NUDT16: variants seen among roughly 807,000 people sequenced by gnomAD.
NUDT16 encodes the protein nudix hydrolase 16, also known as U8 snoRNA-decapping enzyme.
In NUDT16, 12 loss-of-function variants were observed where a neutral mutation model predicts 11.7. The ratio of observed to expected loss-of-function variants is 1.03; its 90% CI spans 0.66 to 1.67. The LOEUF (loss-of-function observed/expected upper bound fraction) is 1.67. Ranked by LOEUF, NUDT16 falls within the 40% of genes most tolerant of loss-of-function variation. The probability of loss-of-function intolerance (pLI) is 0.00; values close to 1 mark genes in which losing one functional copy is unlikely to be tolerated. For synonymous variants in NUDT16, 129 were observed against 122.6 expected, an observed-to-expected ratio of 1.05 and a Z score of -0.35; for missense variants, 303 against 268.9, an observed-to-expected ratio of 1.13 and a Z score of -0.89.
upstream of NUDT16, chr3:131,381,723 GC>G: frequency 6.9e-7 from 1 of 1,458,292 alleles, no homozygotes; most frequent in South Asian, 1.2e-5. Flanking sequence ...TTGCAGCACC[GC>G]CCAGGCTCGG....
In NUDT16 at chr3:131,382,880, A is replaced by G. The variant is rs77943871; in HGVS notation, c.409-282A>G. 2.4e-5 allele frequency: 15 copies of G among 625,026 alleles called. No homozygotes were observed. The East Asian group carries it at 4.4e-4, about 18-fold the overall frequency. 38.7% of individuals were successfully genotyped at this position (625,026 alleles called of 1,614,324 possible). Reference sequence around the variant, plus strand: ...CTGATGCAAATAATCTGAGGACCACATTTTGACAACCACTGGTGAAAGGGT... The same window carrying G: ...CTGATGCAAATAATCTGAGGACCACGTTTTGACAACCACTGGTGAAAGGGT... On this transcript the variant is annotated intron_variant, in intron 2 of 2. Transcript: ENST00000521288.
Position 131,381,814 on chromosome 3 carries a change from G to C in NUDT16, c.10G>C (p.Ala4Pro). 4.5e-6 allele frequency: 7 copies of C among 1,561,972 alleles called. No homozygotes were observed. The highest frequency in any genetic ancestry group is 5.2e-6 in the Non-Finnish European group (6 of 1,160,582). The change falls in exon 1 of 3, where the codon GCC becomes CCC. Residue 4 changes from alanine to proline, a missense_variant. Transcript: ENST00000521288. ...GGAGCAGTGTCCGGCCATGGCCGGA[G>C]CCCGCAGGCTGGAGCTAGGCGAGGC... Reference protein sequence around the residue: MAGARRLELGEALA... With the variant: MAGPRRLELGEALA...
At position 131,385,927 on chromosome 3, in the gene NUDT16, A is replaced by G. The variant is rs2097459685; in HGVS notation, c.*2586A>G. 2 of 152,364 alleles carry G rather than the reference A, an allele frequency of 1.3e-5. No homozygotes were observed. The highest frequency in any genetic ancestry group is 2.1e-4 in the South Asian group (1 of 4,826). 9.4% of individuals were successfully genotyped at this position (152,364 alleles called of 1,614,324 possible). A position where few individuals can be genotyped will look rare whatever the true frequency, so the allele number is the denominator to read the frequency against. On this transcript the variant is annotated 3_prime_UTR_variant, in exon 3 of 3. Coordinates refer to ENST00000521288, the MANE Select transcript of NUDT16 (RefSeq NM_152395.3). Reference sequence around the variant, plus strand: ...CCTTCCCTCAGGTAATTCTGGATCCAGAACTCATTATGGGATGTAATCCAG... The same window carrying G: ...CCTTCCCTCAGGTAATTCTGGATCCGGAACTCATTATGGGATGTAATCCAG...
intron 2 of NUDT16, chr3:131,382,584 C>A: frequency 6.6e-7 from 1 of 1,526,568 alleles, no homozygotes; most frequent in Non-Finnish European, 8.7e-7. Context: ...TCCCTATTGA[C>A]AGTGTGATAG....
rs2097455953 is a variant in NUDT16, at chr3:131,382,159, G to A, written c.252G>A (p.Ala84=). The A allele has an allele frequency of 6.2e-7, 1 of 1,611,712 alleles. No individual in the cohort carries two copies. Among genetic ancestry groups the A allele is most frequent in the Non-Finnish European group, 8.5e-7 (1 of 1,179,342 alleles). ...AGCTGCGCGAGGAGCTGGGCGAAGC[G>A]GCTGCCGCTTTCCGCGTGGAGCGCA... ...NRELREELGE[A]AAAFRVERTD... Residue 84 remains alanine, a synonymous_variant, in exon 2 of 3, where the codon GCG becomes GCA. Transcript: ENST00000521288.
rs778956223 is a variant in NUDT16, at chr3:131,382,209, G to A, written c.302G>A (p.Gly101Glu). 3.1e-6 allele frequency: 5 copies of A among 1,611,178 alleles called. No homozygotes were observed. The highest frequency in any genetic ancestry group is 2.2e-5 in the South Asian group (2 of 90,944). Residue 101 changes from glycine (G) to glutamate (E), a missense_variant, in exon 2 of 3, where the codon GGG (glycine) becomes GAG (glutamate). Transcript: ENST00000521288. Reference protein sequence around the residue: ...ERTDYRSSHVGSGPRVVAHFY... With the variant: ...ERTDYRSSHVESGPRVVAHFY... ...ACTGACTACCGCAGCTCCCACGTCG[G>A]GTCAGGGCCACGCGTTGTGGCCCAC... is the stretch of plus-strand genomic sequence containing the variant.
intron 2 of NUDT16, chr3:131,382,900 A>C: frequency 1.7e-6 from 1 of 597,774 alleles, no homozygotes; most frequent in South Asian, 2.5e-5. Context: ...CCACTGGTGA[A>C]AGGGTATGAA....
In NUDT16 at chr3:131,388,599, A is replaced by T. The variant is rs1007892438; in HGVS notation, c.*5258A>T. 4 of 152,218 alleles carry T rather than the reference A, an allele frequency of 2.6e-5. No homozygotes were observed. The highest frequency in any genetic ancestry group is 9.7e-5 in the African/African-American group (4 of 41,438). The allele number at this position is 152,218 out of a possible 1,614,324, so 9.4% of individuals were successfully genotyped here. On this transcript the variant is annotated 3_prime_UTR_variant, in exon 3 of 3. Transcript: ENST00000521288. ...GCAGTTTTACTGGAAAACCATACAGATGTTTTTCAGGAATGTACAGAATGA... is the reference window on the plus strand; with the variant it reads ...GCAGTTTTACTGGAAAACCATACAGTTGTTTTTCAGGAATGTACAGAATGA...
upstream of NUDT16, chr3:131,381,771 G>C (rs369753692): frequency 6.5e-7 from 1 of 1,534,752 alleles, no homozygotes; most frequent in African/African-American, 1.4e-5. Context: ...CTGCCCATTG[G>C]GCCTTCGGGA....
At chr3:131,382,749 G>T in intron 2 of NUDT16, 1 of 1,344,728 alleles carries the variant, frequency 7.4e-7, no homozygotes. Context: ...GAATCATCGG[G>T]GCGTCTTATT....
In NUDT16 at chr3:131,385,285, T is replaced by C. The variant is rs1469355104; in HGVS notation, c.*1944T>C. 1 of 152,038 alleles carries C rather than the reference T, an allele frequency of 6.6e-6. No homozygotes were observed. Among genetic ancestry groups the C allele is most frequent in the African/African-American group, 2.4e-5 (1 of 41,352 alleles). 9.4% of individuals were successfully genotyped at this position (152,038 alleles called of 1,614,324 possible). On this transcript the variant is annotated 3_prime_UTR_variant, in exon 3 of 3. Transcript: ENST00000521288. ...GGAGCAATCTCAGGTAAAGGCAAAA[T>C]AGAGGGTATGACCTGGGGTTGCTGG...
intron 1 of NUDT16, 30 bp downstream of exon 1, chr3:131,381,972 T>TG: frequency 6.2e-7 from 1 of 1,601,422 alleles, no homozygotes; most frequent in Non-Finnish European, 8.5e-7. Context: ...GGCCACTTTC[T>TG]GCCTGAGCCC....
At chr3:131,382,805 G>T (rs1582666889) in intron 2 of NUDT16, 1 of 990,430 alleles carries the variant, frequency 1.0e-6, no homozygotes. Flanking sequence ...GGTGGGGCGG[G>T]GGGAGAGGAA....
Position 131,383,295 on chromosome 3 carries a change from T to C in NUDT16, c.542T>C (p.Leu181Pro). The C allele has an allele frequency of 3.1e-6, 5 of 1,614,172 alleles. No individual in the cohort carries two copies. Among genetic ancestry groups the C allele is most frequent in the Non-Finnish European group, 4.2e-6 (5 of 1,180,014 alleles). Residue 181 changes from leucine to proline, a missense_variant, in exon 3 of 3, where the codon CTG becomes CCG. By Grantham distance (98) the Leu-to-Pro change is moderately conservative (BLOSUM62 -3). Coordinates refer to ENST00000521288, the MANE Select transcript of NUDT16 (RefSeq NM_152395.3). The surrounding 1 kb of genome is among the most constrained non-coding windows in gnomAD (Gnocchi z 4.4). Reference protein sequence around the residue: ...LLEALQDLGLLQSGSISGLKI... With the variant: ...LLEALQDLGLPQSGSISGLKI... ...GAAGCTCTCCAGGACTTGGGACTGC[T>C]GCAGTCTGGCTCTATTTCAGGCCTT... is the stretch of plus-strand genomic sequence containing the variant.
rs1184914514 is a variant in NUDT16, at chr3:131,382,047, T to C, written c.140T>C (p.Met47Thr). The part of the protein sequence containing the change: ...GRIPLRYAIL[M>T]QMRFDGRLGF... ...AATCCCCGCTTCCCCCTCCCGCAGA[T>C]GCAGATGCGCTTCGATGGACGCCTG... The change falls in exon 2 of 3, where the codon ATG becomes ACG. Residue 47 changes from methionine to threonine, a missense_variant and splice_region_variant. Physicochemically the swap from Met to Thr is moderately conservative, Grantham distance 81. Coordinates refer to ENST00000521288, the MANE Select transcript of NUDT16 (RefSeq NM_152395.3). The C allele has an allele frequency of 2.5e-6, 4 of 1,581,940 alleles. No individual in the cohort carries two copies. In the East Asian group the frequency reaches 9.0e-5, roughly 36 times the overall value.
chr3:131,382,380 CA>C (rs779609489), intron 2 of NUDT16, 65 bp downstream of exon 2: 2 of 1,600,026 alleles, frequency 1.2e-6, no homozygotes, highest in Admixed American at 3.4e-5. Context: ...TTCTCTCCCC[CA>C]AGAAAGCATC....
rs2097455206 is a variant in NUDT16, at chr3:131,381,775, T to G, written c.-30T>G. ...GACCCGCCCCTCTGCCCATTGGGCCTTCGGGACAGCAGAGGAGCAGTGTCC... is the reference window on the plus strand; with the variant it reads ...GACCCGCCCCTCTGCCCATTGGGCCGTCGGGACAGCAGAGGAGCAGTGTCC... On this transcript the variant is annotated 5_prime_UTR_variant, in exon 1 of 3. Coordinates refer to ENST00000521288, the MANE Select transcript of NUDT16 (RefSeq NM_152395.3). The G allele has an allele frequency of 6.5e-7, 1 of 1,535,934 alleles. No individual in the cohort carries two copies.
In NUDT16 at chr3:131,383,142, C is replaced by T; in HGVS notation, c.409-20C>T. 6.2e-7 allele frequency: 1 copy of T among 1,607,200 alleles called. No homozygotes were observed. The highest frequency in any genetic ancestry group is 8.5e-7 in the Non-Finnish European group (1 of 1,176,632). On this transcript the variant is annotated intron_variant, in intron 2 of 2. Coordinates refer to ENST00000521288, the MANE Select transcript of NUDT16 (RefSeq NM_152395.3). This position sits in a 1 kb window ranked among gnomAD's most constrained non-coding sequence, Gnocchi z 4.4. The stretch of plus-strand genomic sequence containing the variant: ...GAGCCACCTGGGGCCCTAGTGTCTC[C>T]TGTCTCCTTCCTTTTACAGGTGCTG...
Position 131,383,035 on chromosome 3 carries a change from G to A in NUDT16, c.409-127G>A, listed in dbSNP as rs113701906. ...AGGTTGGGCCACTAGGCTTTAGTGA[G>A]GTGTGAGCCTTGGGCCTGGTTCTGC... On this transcript the variant is annotated intron_variant, in intron 2 of 2. Transcript: ENST00000521288. This position sits in a 1 kb window ranked among gnomAD's most constrained non-coding sequence, Gnocchi z 4.4. 3.0e-3 allele frequency: 3,033 copies of A among 1,021,332 alleles called. 61 individuals are homozygous for A. The African/African-American group carries it at 0.039, about 13-fold the overall frequency. The allele number at this position is 1,021,332 out of a possible 1,614,324, so 63.3% of individuals were successfully genotyped here.
Sources: gnomAD v4.1 joint callset for allele counts on GRCh38, gnomAD v4.1.1 for gene constraint, Gnocchi (gnomAD v3.1) non-coding constraint, MANE v1.5 for transcripts, NCBI Gene and HGNC (gene_info 2026-07-23, HGNC 2026-07-21) for gene names.